CENPU: variants seen among roughly 807,000 people sequenced by gnomAD.
CENPU encodes KSHV latent nuclear antigen interacting protein 1.
CENPU carries 46 observed loss-of-function variants against 56.7 expected under a neutral mutation model. The ratio of observed to expected loss-of-function variants is 0.81; its 90% CI spans 0.64 to 1.04. The LOEUF is 1.04. Among genes scored for constraint, CENPU ranks in the 50% least tolerant of loss-of-function variants. CENPU has a pLI of 0.00. For missense variants in CENPU, 510 were observed against 490.1 expected, an observed-to-expected ratio of 1.04 and a Z score of -0.38; for synonymous variants, 166 against 163.0, an observed-to-expected ratio of 1.02 and a Z score of -0.14.
chr4:184,695,090 T>C lies in CENPU; in HGVS notation c.*198A>G. The C allele has an allele frequency of 1.8e-6, 1 of 546,198 alleles. No homozygotes were observed. The highest frequency in any genetic ancestry group is 3.3e-6 in the Non-Finnish European group (1 of 307,264). The allele number at this position is 546,198 out of a possible 1,614,324, so 33.8% of individuals were successfully genotyped here. ...TACTCAAGATATTAACCAGAAAAGA[T>C]GATTATGGCCTTTAAAACTATTGGA... is the stretch of plus-strand genomic sequence containing the variant. On this transcript the variant is annotated 3_prime_UTR_variant, in exon 13 of 13. Transcript: ENST00000281453.
chr4:184,696,475 A>G (rs1433569521), intron 12 of CENPU, among the ~76,000 whole-genome samples: 1 of 152,206 alleles, frequency 6.6e-6, no homozygotes, highest in Non-Finnish European at 1.5e-5. Flanking sequence ...TCAATGCTAC[A>G]GATAACTTGC....
At chr4:184,732,131 A>C (rs865810358) in intron 1 of CENPU, among the ~76,000 whole-genome samples, 6 of 152,196 alleles carry the variant, frequency 3.9e-5, no homozygotes, top group African/African-American at 1.4e-4. Flanking sequence ...AAAAAGGAAA[A>C]TATAAAATGA....
intron 4 of CENPU, among the ~76,000 whole-genome samples, chr4:184,724,252 C>A (rs1761383058): frequency 6.6e-6 from 1 of 151,902 alleles, no homozygotes; most frequent in Non-Finnish European, 1.5e-5. Context: ...GGCAACAGAG[C>A]AAGACTCCAT....
intron 2 of CENPU, among the ~76,000 whole-genome samples, chr4:184,729,942 AATAAAATTGGCAAACC>A (rs1410014060): frequency 6.6e-6 from 1 of 152,276 alleles, no homozygotes; most frequent in Admixed American, 6.5e-5. Context: ...AAGGAGGTCA[AATAAAATTGGCAAACC>A]ATATAAAAAC....
intron 3 of CENPU, among the ~76,000 whole-genome samples, chr4:184,728,358 G>A (rs1300662927): frequency 3.3e-5 from 5 of 152,108 alleles, no homozygotes; most frequent in African/African-American, 1.2e-4. Context: ...CCTGACTACT[G>A]CAGTTCTAGA....
At chr4:184,727,741 A>C (rs538163329) in intron 3 of CENPU, among the ~76,000 whole-genome samples, 2 of 152,236 alleles carry the variant, frequency 1.3e-5, no homozygotes, top group Non-Finnish European at 2.9e-5. Context: ...AAAAAATAGA[A>C]ACCACCCAAA....
At chr4:184,729,464 A>T (rs1391866453) in intron 2 of CENPU, among the ~76,000 whole-genome samples, 6 of 152,272 alleles carry the variant, frequency 3.9e-5, no homozygotes, top group Admixed American at 3.9e-4. Flanking sequence ...AAGAATGAGC[A>T]TGGCTGTGTT....
At chr4:184,730,120 T>A (rs577869882) in intron 2 of CENPU, among the ~76,000 whole-genome samples, 1 of 152,202 alleles carries the variant, frequency 6.6e-6, no homozygotes, top group South Asian at 2.1e-4. Flanking sequence ...GAAAGCTGAA[T>A]CCATTCCAGG....
intron 10 of CENPU, 77 bp from the exon 11 acceptor site, chr4:184,700,958 A>T (rs1760515297): frequency 8.4e-7 from 1 of 1,196,678 alleles, no homozygotes; most frequent in Non-Finnish European, 1.2e-6. Context: ...CAGGTAATGA[A>T]GTGCAGTGGA....
chr4:184,714,099 A>G (rs1321135567), intron 6 of CENPU, among the ~76,000 whole-genome samples: 1 of 152,194 alleles, frequency 6.6e-6, no homozygotes, highest in Non-Finnish European at 1.5e-5. Context: ...CATGGCAACC[A>G]GAAGACAACA....
chr4:184,695,673 A>G (rs562625287), intron 12 of CENPU, among the ~76,000 whole-genome samples: 1 of 152,240 alleles, frequency 6.6e-6, no homozygotes, highest in East Asian at 1.9e-4. Flanking sequence ...TATCATCTCT[A>G]TTACTGGAGA....
chr4:184,702,110 AT>A lies in CENPU; in HGVS notation c.902del (p.Asn301IlefsTer2), dbSNP rs765428260. ...KMLKESQMLT[N>X]LKRKNAKMIS... is the part of the protein sequence containing the mutation. ...TTACCTTAGCATTCTTCCTTTTCAG[AT>A]TTGTCAACATCTGGCTTTCTTTAAG... On this transcript the variant is annotated frameshift_variant, in exon 10 of 13. Transcript: ENST00000281453. LOFTEE classifies it high-confidence loss of function. 4.4e-5 allele frequency: 71 copies of A among 1,607,756 alleles called. No individual in the cohort carries two copies. The South Asian group carries it at 7.3e-4, about 16-fold the overall frequency.
At chr4:184,724,025 G>A (rs776928341) in intron 4 of CENPU, among the ~76,000 whole-genome samples, 5 of 152,006 alleles carry the variant, frequency 3.3e-5, no homozygotes, top group Admixed American at 6.6e-5. Context: ...AGCACTTTGG[G>A]AGGCCGAGGT....
At chr4:184,701,992 C>T in intron 10 of CENPU, 97 bp downstream of exon 10, 1 of 754,938 alleles carries the variant, frequency 1.3e-6, no homozygotes, top group Non-Finnish European at 2.3e-6. Context: ...GAAATCTACT[C>T]ACACTCTAAA....
chr4:184,723,754 A>T (rs1761355649), intron 4 of CENPU, among the ~76,000 whole-genome samples: 1 of 150,012 alleles, frequency 6.7e-6, no homozygotes, highest in South Asian at 2.1e-4. Flanking sequence ...GAGGCAGGAG[A>T]ATTGCTTGAA....
intron 4 of CENPU, among the ~76,000 whole-genome samples, chr4:184,718,585 G>A (rs886554798): frequency 5.3e-5 from 8 of 152,224 alleles, no homozygotes; most frequent in Non-Finnish European, 2.9e-5. Flanking sequence ...AAGGGACAAG[G>A]AGGCCAGACA....
At chr4:184,699,292 C>T (rs1048026397) in intron 11 of CENPU, among the ~76,000 whole-genome samples, 9 of 151,938 alleles carry the variant, frequency 5.9e-5, no homozygotes, top group African/African-American at 1.7e-4. Flanking sequence ...ATAGCGCCAC[C>T]GCACTCCAGC....
Position 184,713,017 on chromosome 4 carries a change from CAA to C in CENPU, c.619-6_619-5del, listed in dbSNP as rs34353251. 7.6e-4 allele frequency: 971 copies of C among 1,271,518 alleles called. No individual in the cohort carries two copies. Among genetic ancestry groups the C allele is most frequent in the African/African-American group, 1.0e-3 (64 of 63,846 alleles). The allele number at this position is 1,271,518 out of a possible 1,614,324, so 78.8% of individuals were successfully genotyped here. A position where few individuals can be genotyped will look rare whatever the true frequency, so the allele number is the denominator to read the frequency against. On this transcript the variant is annotated splice_region_variant and splice_polypyrimidine_tract_variant and intron_variant, in intron 6 of 12. Coordinates refer to ENST00000281453, the MANE Select transcript of CENPU (RefSeq NM_024629.4). The stretch of plus-strand genomic sequence containing the variant: ...TCTTCCCTTTTTTCTGAGTTTTCTA[CAA>C]AAAAAAAAAGCATTAAGTTTTTAAG...
chr4:184,725,266 A>G (rs1415311657), intron 3 of CENPU, among the ~76,000 whole-genome samples: 1 of 152,236 alleles, frequency 6.6e-6, no homozygotes, highest in African/African-American at 2.4e-5. Context: ...AAATACATGA[A>G]TATTTATGAA....
Sources: gnomAD v4.1 joint callset for allele counts (sites outside exome capture counted in the v4.1 genomes callset) on GRCh38, gnomAD v4.1.1 for gene constraint, MANE v1.5 for transcripts, NCBI Gene and HGNC (gene_info 2026-07-23, HGNC 2026-07-21) for gene names.